ZNF232: variants seen among roughly 807,000 people sequenced by gnomAD.
ZNF232 encodes zinc finger and SCAN domain-containing protein 11.
Under a neutral mutation model 25.2 loss-of-function variants are expected in ZNF232, and 25 were observed. That is an observed-to-expected ratio of 0.99 (90% CI 0.72 to 1.39). ZNF232 has a LOEUF of 1.39. ZNF232 is among the 40% of genes most tolerant of loss of function. ZNF232 has a pLI of 0.00. For missense variants in ZNF232, 519 were observed against 520.9 expected (o/e 1.00, Z 0.04); for synonymous variants, 193 against 182.9 (o/e 1.06, Z -0.45).
chr17:5,109,617 C>A, exon 2 of ZNF232: 2 of 1,614,212 alleles, frequency 1.2e-6, no homozygotes, highest in Non-Finnish European at 1.7e-6. Flanking sequence ...CTCCCGGGGA[C>A]CAGGAGTCTC....
At chr17:5,109,610 C>T (rs1340441945) in exon 2 of ZNF232, 1 of 1,614,080 alleles carries the variant, frequency 6.2e-7, no homozygotes, top group Non-Finnish European at 8.5e-7. Context: ...TCAAGGCCTC[C>T]CGGGGACCAG....
intron 1 of ZNF232, among the ~76,000 whole-genome samples, chr17:5,119,838 A>T (rs1454483866): frequency 6.6e-6 from 1 of 152,116 alleles, no homozygotes; most frequent in Non-Finnish European, 1.5e-5. Flanking sequence ...CTTCCTTTTG[A>T]CCCGTGAAGA....
chr17:5,115,555 A>ACACACACACAC (rs2072512102), upstream of ZNF232, among the ~76,000 whole-genome samples: 3 of 148,780 alleles, frequency 2.0e-5, no homozygotes, highest in Non-Finnish European at 3.0e-5. Flanking sequence ...CGTCTCCAAA[A>ACACACACACAC]ACACACACAC....
chr17:5,109,550 CGT>C lies in ZNF232; in HGVS notation c.340_341del (p.Thr114GlufsTer19), dbSNP rs770940651. 2 of 1,614,100 alleles carry C rather than the reference CGT, an allele frequency of 1.2e-6. No individual in the cohort carries two copies. The highest frequency in any genetic ancestry group is 8.5e-7 in the Non-Finnish European group (1 of 1,180,042). ...CCAGGAACTCCAGGATCTGCTCCTT[CGT>C]GTGTTTCTCTGGCCTCAGCCACTCA... On this transcript the variant is annotated frameshift_variant, in exon 2 of 4. Transcript: ENST00000575898. LOFTEE classifies it high-confidence loss of function.
chr17:5,116,756 A>C (rs2072547946), upstream of ZNF232: 1 of 152,250 alleles, frequency 6.6e-6, no homozygotes, highest in Non-Finnish European at 1.5e-5. Flanking sequence ...TCTTTGGGCA[A>C]ATTTGCCTTT....
At chr17:5,110,184 G>A (rs1028651233) in intron 1 of ZNF232, among the ~76,000 whole-genome samples, 4 of 139,546 alleles carry the variant, frequency 2.9e-5, no homozygotes, top group Admixed American at 2.1e-4. Context: ...GAGCCACCGC[G>A]CCCGTCCTCC....
upstream of ZNF232, among the ~76,000 whole-genome samples, chr17:5,115,576 A>ACACACACACACACACACACACACACACAC (rs1555584331): frequency 6.6e-6 from 1 of 150,738 alleles, no homozygotes; most frequent in African/African-American, 2.5e-5. Context: ...ACACACACAC[A>ACACACACACACACACACACACACACACAC]AAACCCAAAA....
At chr17:5,105,785 C>A in exon 4 of ZNF232, 1 of 1,500,340 alleles carries the variant, frequency 6.7e-7, no homozygotes, top group Non-Finnish European at 9.0e-7. Flanking sequence ...TAGATTAGAC[C>A]GATGTAGAAT....
upstream of ZNF232, among the ~76,000 whole-genome samples, chr17:5,115,389 T>C (rs1168025888): frequency 6.6e-6 from 1 of 151,852 alleles, no homozygotes; most frequent in East Asian, 1.9e-4. Context: ...CTCTCTCTAC[T>C]AAAAATACAA....
rs550026345 is a variant in ZNF232, at chr17:5,109,656, C to T, written c.236G>A (p.Arg79His). ...GTAGCGGAGATGCCTGAAGCGTTGG[C>T]GGAAGATCTCTTGACTGGTAGAGTG... The change falls in exon 2 of 4, where the codon CGC (arginine) becomes CAC (histidine). Residue 79 changes from arginine to histidine, a missense_variant. Physicochemically the swap from Arg to His is conservative, Grantham distance 29 (BLOSUM62 0). Coordinates refer to ENST00000575898, the Ensembl canonical transcript of ZNF232. 236 of 1,614,176 alleles carry T rather than the reference C, an allele frequency of 1.5e-4. 3 individuals are homozygous for T. The South Asian group carries it at 2.0e-3, about 14-fold the overall frequency.
At position 5,106,120 on chromosome 17, in the gene ZNF232, C is replaced by T. The variant is rs747380267; in HGVS notation, c.1012G>A (p.Gly338Ser). 43 of 1,614,008 alleles carry T rather than the reference C, an allele frequency of 2.7e-5. No individual in the cohort carries two copies. Among genetic ancestry groups the T allele is most frequent in the African/African-American group, 4.0e-5 (3 of 74,902 alleles). ...CCTGTATGAATTCTCTGATGCTGAC[C>T]GAGGTTTGAGCTCTGTTTGAAAGTT... Residue 338 changes from glycine (G) to serine (S), a missense_variant, in exon 4 of 4, where the codon GGT (glycine) becomes AGT (serine). By Grantham distance (56) the Gly-to-Ser change is moderately conservative (BLOSUM62 0). Coordinates refer to ENST00000575898, the Ensembl canonical transcript of ZNF232.
At chr17:5,121,435 G>A (rs566469813) in intron 1 of ZNF232, 20 of 312,332 alleles carry the variant, frequency 6.4e-5, no homozygotes, top group South Asian at 4.5e-4. Context: ...CGGCAGGATA[G>A]AGATATGGAG....
exon 4 of ZNF232, chr17:5,106,007 C>T: frequency 6.2e-7 from 1 of 1,614,178 alleles, no homozygotes; most frequent in Non-Finnish European, 8.5e-7. Context: ...CATAGGGCTT[C>T]TCTCCTGAGT....
chr17:5,108,168 T>TG (rs78576255), intron 3 of ZNF232, among the ~76,000 whole-genome samples: 17,435 of 152,108 alleles, frequency 0.11, 1,743 homozygotes, highest in South Asian at 0.47. Context: ...GTGATAGTGA[T>TG]GGGGGGGCAG....
chr17:5,119,768 C>G (rs1235080693), intron 1 of ZNF232, among the ~76,000 whole-genome samples: 4 of 152,176 alleles, frequency 2.6e-5, no homozygotes, highest in African/African-American at 9.7e-5. Flanking sequence ...CTGCCCAGCA[C>G]TACAAGTGAC....
Position 5,111,806 on chromosome 17 carries a change from G to A in ZNF232, c.17C>T (p.Pro6Leu), listed in dbSNP as rs146035162. 4 of 1,613,722 alleles carry A rather than the reference G, an allele frequency of 2.5e-6. No individual in the cohort carries two copies. In the African/African-American group the frequency reaches 5.3e-5, roughly 22 times the overall value. ...AGCCGCCGCCAACACTCACCTCACAGGACCAGGAGGTTCCATCGGGGCGCT... is the reference window on the plus strand; with the variant it reads ...AGCCGCCGCCAACACTCACCTCACAAGACCAGGAGGTTCCATCGGGGCGCT... The change falls in exon 1 of 4, where the codon CCT becomes CTT. Residue 6 changes from proline (P) to leucine (L), a missense_variant. Transcript: ENST00000575898.
At chr17:5,106,023 C>T in exon 4 of ZNF232, 1 of 1,614,166 alleles carries the variant, frequency 6.2e-7, no homozygotes, top group East Asian at 2.2e-5. Context: ...TGAGTGAATC[C>T]TCTGATGCTG....
At chr17:5,121,174 G>T (rs1270343903) in intron 1 of ZNF232, among the ~76,000 whole-genome samples, 2 of 152,158 alleles carry the variant, frequency 1.3e-5, no homozygotes, top group Non-Finnish European at 2.9e-5. Flanking sequence ...GCCGCAGTTC[G>T]GTAGGGGTAA....
upstream of ZNF232, chr17:5,112,226 TG>T (rs2072434195): frequency 3.7e-6 from 1 of 271,860 alleles, no homozygotes; most frequent in African/African-American, 2.3e-5. Flanking sequence ...CCATGGCCTG[TG>T]GTAACACTTC....
Sources: gnomAD v4.1 joint callset for allele counts (sites outside exome capture counted in the v4.1 genomes callset) on GRCh38, gnomAD v4.1.1 for gene constraint, MANE v1.5 for transcripts, NCBI Gene and HGNC (gene_info 2026-07-23, HGNC 2026-07-21) for gene names.